The following LYG1 variants were observed in gnomAD, a reference collection of about 807,000 sequenced individuals.
The protein encoded by LYG1 is lysozyme g1, also known as lysozyme g-like protein 1.
A neutral mutation model predicts 21.7 loss-of-function variants in LYG1; 17 were observed. The ratio of observed to expected loss-of-function variants is 0.78; its 90% CI spans 0.54 to 1.18. The LOEUF is 1.18. Among genes scored for constraint, LYG1 ranks in the 50% most tolerant of loss-of-function variants. LYG1 has a pLI of 0.00. For synonymous variants in LYG1, 81 were observed against 87.4 expected (o/e 0.93, Z 0.41); for missense variants, 211 against 238.1 (o/e 0.89, Z 0.75).
At chr2:99,302,200 A>C (rs2094156672), upstream of LYG1, among the ~76,000 whole-genome samples, 1 of 152,188 alleles carries the variant, frequency 6.6e-6, no homozygotes, top group Non-Finnish European at 1.5e-5. Context: ...TCAGTAAAAC[A>C]CGTGGAATCA....
In LYG1 at chr2:99,284,816, G is replaced by C; in HGVS notation, c.338C>G (p.Pro113Arg). The C allele has an allele frequency of 6.2e-7, 1 of 1,612,612 alleles. No individual in the cohort carries two copies. The highest frequency in any genetic ancestry group is 2.2e-5 in the East Asian group (1 of 44,864). ...CCAGGATGTGGGAGCTTGAGAGCCA[G>C]GGTCCTGCAGGGAAGGAGGCAGAGA... ...MGDRTSMVQDPGSQAPTSWIS... is the reference protein window; with the variant it reads ...MGDRTSMVQDRGSQAPTSWIS... The change falls in exon 6 of 7, where the codon CCT becomes CGT. Residue 113 changes from proline (P) to arginine (R), a missense_variant. Pro to Arg is a moderately radical substitution (Grantham distance 103). Transcript: ENST00000308528.
chr2:99,293,683 G>C (rs149043618), intron 3 of LYG1, among the ~76,000 whole-genome samples: 26 of 152,308 alleles, frequency 1.7e-4, no homozygotes, highest in Non-Finnish European at 3.4e-4. Context: ...AAAGGCCATT[G>C]AAGAGGAGAA....
intron 2 of LYG1, 150 bp from the exon 3 acceptor site, chr2:99,295,852 A>G (rs929027300): frequency 1.5e-6 from 1 of 658,878 alleles, no homozygotes; most frequent in Non-Finnish European, 2.6e-6. Context: ...GTGAAAAAAA[A>G]GCAAAAGTAG....
At chr2:99,292,499 C>T (rs772693608) in intron 4 of LYG1, 37 bp downstream of exon 4, 82 of 1,473,894 alleles carry the variant, frequency 5.6e-5, no homozygotes, top group Non-Finnish European at 7.2e-5. Flanking sequence ...CAGTGAAAGC[C>T]GGGGGATAGG....
upstream of LYG1, among the ~76,000 whole-genome samples, chr2:99,304,030 G>C (rs1463380598): frequency 6.6e-6 from 1 of 152,176 alleles, no homozygotes; most frequent in Non-Finnish European, 1.5e-5. Flanking sequence ...AAATTAGCCA[G>C]GCGTGGTGGG....
intron 1 of LYG1, among the ~76,000 whole-genome samples, chr2:99,299,687 A>G (rs2094148435): frequency 6.6e-6 from 1 of 151,956 alleles, no homozygotes; most frequent in Non-Finnish European, 1.5e-5. Context: ...AGCCTCCCAA[A>G]GTGCTGGGAA....
upstream of LYG1, among the ~76,000 whole-genome samples, chr2:99,301,490 A>AGAAGG (rs1391342998): frequency 1.1e-5 from 1 of 87,128 alleles, no homozygotes; most frequent in African/African-American, 3.8e-5. Flanking sequence ...GGAAGAAAGA[A>AGAAGG]AAGGAAGAAG....
chr2:99,295,737 A>G (rs1354691555), intron 2 of LYG1, 35 bp from the exon 3 acceptor site: 1 of 1,586,596 alleles, frequency 6.3e-7, no homozygotes, highest in Non-Finnish European at 8.7e-7. Context: ...GAATACAAAA[A>G]TATCAGTCAT....
At chr2:99,298,723 C>T (rs2094144796) in intron 1 of LYG1, among the ~76,000 whole-genome samples, 174 bp from the exon 2 acceptor site, 1 of 152,088 alleles carries the variant, frequency 6.6e-6, no homozygotes, top group Non-Finnish European at 1.5e-5. Context: ...GAAGGTGCCC[C>T]TGCCCCATTG....
chr2:99,287,539 GCTTT>G (rs1244723779), intron 5 of LYG1, among the ~76,000 whole-genome samples: 2 of 151,942 alleles, frequency 1.3e-5, no homozygotes, highest in Non-Finnish European at 2.9e-5. Flanking sequence ...TGGAAAAAAG[GCTTT>G]CTTTTTTTTT....
At chr2:99,302,728 G>A (rs2094158170), upstream of LYG1, among the ~76,000 whole-genome samples, 1 of 152,142 alleles carries the variant, frequency 6.6e-6, no homozygotes, top group Non-Finnish European at 1.5e-5. Context: ...TTAAGATTTT[G>A]TTATTCTCAG....
intron 5 of LYG1, among the ~76,000 whole-genome samples, chr2:99,289,121 C>A (rs2094111139): frequency 6.6e-6 from 1 of 152,082 alleles, no homozygotes; most frequent in South Asian, 2.1e-4. Flanking sequence ...TCCAGGTGTT[C>A]ATATGCACAA....
Position 99,284,421 on chromosome 2 carries a change from G to GCT in LYG1, c.555_556dup (p.Ala186GlufsTer38). 6.2e-7 allele frequency: 1 copy of GCT among 1,614,162 alleles called. No homozygotes were observed. The highest frequency in any genetic ancestry group is 8.5e-7 in the Non-Finnish European group (1 of 1,180,012). On this transcript the variant is annotated frameshift_variant, in exon 7 of 7. Coordinates refer to ENST00000308528, the MANE Select transcript of LYG1 (RefSeq NM_174898.3). LOFTEE classifies it high-confidence loss of function. ...GAAGCCATGTCTCTTGAGGTACTTG[G>GCT]CTCGTGCAAGGACATCATTGCAGAA...
upstream of LYG1, among the ~76,000 whole-genome samples, chr2:99,303,543 G>A (rs1166850637): frequency 6.6e-6 from 1 of 152,132 alleles, no homozygotes; most frequent in Non-Finnish European, 1.5e-5. Context: ...AGCTGAGGAG[G>A]TCGTTCTCCA....
rs552104998 is a variant in LYG1 at position 99,286,239 on chromosome 2, A to C, written c.334-1419T>G. On this transcript the variant is annotated intron_variant, in intron 5 of 6. Coordinates refer to ENST00000308528, the MANE Select transcript of LYG1 (RefSeq NM_174898.3). ...CTGTAAGTAATAAATTTTATTTTTCATAAATTACCCATATTTAGGTATTCT... is the reference window on the plus strand; with the variant it reads ...CTGTAAGTAATAAATTTTATTTTTCCTAAATTACCCATATTTAGGTATTCT... Among the ~76,000 whole-genome samples, 33 of 152,362 alleles carry C rather than the reference A, an allele frequency of 2.2e-4. 1 individual carries two copies. Among genetic ancestry groups the C allele is most frequent in the Admixed American group, 1.9e-3 (29 of 15,306 alleles).
chr2:99,299,108 G>C (rs1336246624), intron 1 of LYG1, among the ~76,000 whole-genome samples: 1 of 151,648 alleles, frequency 6.6e-6, no homozygotes, highest in African/African-American at 2.4e-5. Flanking sequence ...TGTATTTTTA[G>C]TAGAGATGGG....
chr2:99,292,985 CTTTTTTTTT>C (rs70940159), intron 3 of LYG1, among the ~76,000 whole-genome samples: 2 of 83,164 alleles, frequency 2.4e-5, no homozygotes, highest in African/African-American at 9.8e-5. Flanking sequence ...CCTCATCTTA[CTTTTTTTTT>C]TTTTTTTTTT....
chr2:99,294,204 G>A lies in LYG1; in HGVS notation c.43+1424C>T, dbSNP rs575291087. Among the ~76,000 whole-genome samples the A allele has an allele frequency of 3.3e-3, 510 of 152,260 alleles. 3 individuals are homozygous for A. The highest frequency in any genetic ancestry group is 0.011 in the African/African-American group (440 of 41,544). On this transcript the variant is annotated intron_variant, in intron 3 of 6. Transcript: ENST00000308528. ...TCTGGGATTACAGGCATGAGCCACC[G>A]CATACACCTGGTTTACTCTGTTTAA... is the stretch of plus-strand genomic sequence containing the variant.
At chr2:99,300,050 A>G (rs2094149801) in intron 1 of LYG1, among the ~76,000 whole-genome samples, 1 of 151,452 alleles carries the variant, frequency 6.6e-6, no homozygotes, top group Non-Finnish European at 1.5e-5. Flanking sequence ...CACAAATATA[A>G]AATAATATAA....
Sources: allele counts gnomAD v4.1 joint callset (sites outside exome capture counted in the v4.1 genomes callset), GRCh38; gene constraint gnomAD v4.1.1; transcripts MANE v1.5; gene names NCBI Gene and HGNC (gene_info 2026-07-23, HGNC 2026-07-21).